GALK2: variants seen among roughly 807,000 people sequenced by gnomAD.
GALK2 encodes the protein galactokinase 2.
In GALK2, 36 loss-of-function variants were observed where a neutral mutation model predicts 52.4. That is an observed-to-expected ratio of 0.69 (90% CI 0.53 to 0.91). The LOEUF is 0.91. GALK2 is among the 40% of genes least tolerant of loss of function. GALK2 has a pLI of 0.00. For missense variants in GALK2, 579 were observed against 559.1 expected, an observed-to-expected ratio of 1.04 and a Z score of -0.36; for synonymous variants, 176 against 199.1, an observed-to-expected ratio of 0.88 and a Z score of 0.98.
intron 9 of GALK2, chr15:49,327,574 A>C (rs2037736939): frequency 6.3e-6 from 1 of 158,856 alleles, no homozygotes; most frequent in Non-Finnish European, 1.4e-5. Context: ...GGTTGCCTAC[A>C]TTTCTTTTAC....
chr15:49,218,044 A>G (rs2089520702), intron 3 of GALK2, among the ~76,000 whole-genome samples: 1 of 152,178 alleles, frequency 6.6e-6, no homozygotes, highest in African/African-American at 2.4e-5. Flanking sequence ...ATGTATTATA[A>G]TGGATTTGAC....
chr15:49,327,452 G>GAAAC (rs2037711443), intron 9 of GALK2: 1 of 152,424 alleles, frequency 6.6e-6, no homozygotes, highest in South Asian at 2.1e-4. Context: ...ATTCTTCTTT[G>GAAAC]AAACAGCCCG....
intron 3 of GALK2, among the ~76,000 whole-genome samples, chr15:49,357,048 C>T (rs1438806090): frequency 7.3e-5 from 11 of 151,322 alleles, no homozygotes; most frequent in African/African-American, 2.4e-4. Flanking sequence ...AGAACAAAGA[C>T]ACAACATACC....
intron 5 of GALK2, among the ~76,000 whole-genome samples, chr15:49,253,488 A>G (rs1014790173): frequency 6.9e-6 from 1 of 144,540 alleles, no homozygotes; most frequent in East Asian, 1.9e-4. Context: ...TAAAAGAATC[A>G]CTACTTCATA....
At chr15:49,167,332 C>T (rs1334785729), upstream of GALK2, among the ~76,000 whole-genome samples, 1 of 152,074 alleles carries the variant, frequency 6.6e-6, no homozygotes, top group African/African-American at 2.4e-5. Flanking sequence ...AATAAAAATA[C>T]TGTAAAATAT....
Position 49,330,741 on chromosome 15 carries a change from ACC to A in GALK2, c.*2583_*2584del, listed in dbSNP as rs773857120. 6.7e-6 allele frequency: 1 copy of A among 149,236 alleles called. No homozygotes were observed. Among genetic ancestry groups the A allele is most frequent in the East Asian group, 2.0e-4 (1 of 5,024 alleles). The allele number at this position is 149,236 out of a possible 1,614,324, so 9.2% of individuals were successfully genotyped here. A position where few individuals can be genotyped will look rare whatever the true frequency, so the allele number is the denominator to read the frequency against. On this transcript the variant is annotated 3_prime_UTR_variant, in exon 10 of 10. Coordinates refer to ENST00000560031, the MANE Select transcript of GALK2 (RefSeq NM_002044.4). ...TCCCTATCAATAGTAGGGAAGATAGACCAAAAAAAAAAAAAAAGAGAGAAAGA... is the reference window on the plus strand; with the variant it reads ...TCCCTATCAATAGTAGGGAAGATAGAAAAAAAAAAAAAAAAGAGAGAAAGA...
chr15:49,275,441 A>C (rs2031494314), intron 5 of GALK2, among the ~76,000 whole-genome samples: 1 of 152,200 alleles, frequency 6.6e-6, no homozygotes, highest in Non-Finnish European at 1.5e-5. Context: ...TGGCCTATTC[A>C]CTTATCTGTT....
chr15:49,180,887 A>G (rs1397259199), intron 1 of GALK2, among the ~76,000 whole-genome samples: 1 of 152,094 alleles, frequency 6.6e-6, no homozygotes, highest in Non-Finnish European at 1.5e-5. Context: ...GGCTCATATC[A>G]TATTCTGTCA....
At chr15:49,237,446 G>A (rs148034343) in intron 4 of GALK2, among the ~76,000 whole-genome samples, 265 of 151,980 alleles carry the variant, frequency 1.7e-3, no homozygotes, top group African/African-American at 6.0e-3. Context: ...TGCATAATAC[G>A]TTGTTTTTTG....
intron 3 of GALK2, among the ~76,000 whole-genome samples, chr15:49,224,357 A>G (rs1278362262): frequency 6.6e-6 from 1 of 152,044 alleles, no homozygotes; most frequent in Non-Finnish European, 1.5e-5. Flanking sequence ...CTCACTTGTC[A>G]ATTTTTGTTT....
At chr15:49,181,249 A>T (rs897518691) in intron 1 of GALK2, among the ~76,000 whole-genome samples, 24 of 151,700 alleles carry the variant, frequency 1.6e-4, no homozygotes, top group African/African-American at 5.6e-4. Flanking sequence ...GACTACAGGC[A>T]TGCATGTGCC....
intron 9 of GALK2, chr15:49,327,745 G>C (rs562289166): frequency 1.6e-5 from 7 of 439,010 alleles, no homozygotes; most frequent in Non-Finnish European, 2.8e-5. Flanking sequence ...CAAAACCAGG[G>C]ACTAGATTTA....
intron 5 of GALK2, among the ~76,000 whole-genome samples, chr15:49,244,302 G>T (rs2091243655): frequency 6.6e-6 from 1 of 151,824 alleles, no homozygotes. Flanking sequence ...TGGATTGGAA[G>T]GGCTCACTGG....
At chr15:49,322,890 G>A (rs901248295) in intron 9 of GALK2, among the ~76,000 whole-genome samples, 4 of 149,532 alleles carry the variant, frequency 2.7e-5, no homozygotes, top group African/African-American at 9.9e-5. Context: ...CCGGGAGGCA[G>A]AGCTTGCAGT....
At chr15:49,314,157 A>G (rs115584150) in intron 8 of GALK2, among the ~76,000 whole-genome samples, 3,387 of 152,340 alleles carry the variant, frequency 0.022, 103 homozygotes, top group South Asian at 0.076. Context: ...ATCATAAACT[A>G]TGTAACCATC....
downstream of GALK2, among the ~76,000 whole-genome samples, chr15:49,332,340 G>A (rs933176825): frequency 1.3e-5 from 2 of 152,196 alleles, no homozygotes; most frequent in African/African-American, 2.4e-5. Context: ...GACTGGCAAG[G>A]TAGAGACACA....
At chr15:49,257,608 T>C (rs1023189971) in intron 5 of GALK2, among the ~76,000 whole-genome samples, 3 of 152,142 alleles carry the variant, frequency 2.0e-5, no homozygotes, top group Non-Finnish European at 4.4e-5. Flanking sequence ...ATTAAATATT[T>C]TCTAATTAAA....
At chr15:49,337,695 C>T (rs2040006616) in intron 3 of GALK2, among the ~76,000 whole-genome samples, 1 of 151,594 alleles carries the variant, frequency 6.6e-6, no homozygotes, top group Non-Finnish European at 1.5e-5. Flanking sequence ...CCTCAACAGG[C>T]CCCCTGATGT....
chr15:49,334,073 G>C (rs1309377993), downstream of GALK2: 4 of 156,680 alleles, frequency 2.6e-5, no homozygotes, highest in African/African-American at 7.2e-5. Context: ...AATTAGCAGA[G>C]TAGATGATTT....
Sources: gnomAD v4.1 joint callset for allele counts (sites outside exome capture counted in the v4.1 genomes callset) on GRCh38, gnomAD v4.1.1 for gene constraint, MANE v1.5 for transcripts, NCBI Gene and HGNC (gene_info 2026-07-23, HGNC 2026-07-21) for gene names.